Variants in PDLIM1 observed in about 807,000 individuals in gnomAD.
The protein encoded by PDLIM1 is PDZ and LIM domain 1, also known as PDZ and LIM domain protein 1.
A neutral mutation model predicts 35.2 loss-of-function variants in PDLIM1; 25 were observed. The ratio of observed to expected loss-of-function variants is 0.71; its 90% CI spans 0.52 to 0.99. PDLIM1 has a LOEUF of 0.99. Ranked by LOEUF, PDLIM1 falls within the 50% of genes least tolerant of loss-of-function variation. The pLI is 0.00. For missense variants in PDLIM1, 363 were observed against 415.3 expected (o/e 0.87, Z 1.09); for synonymous variants, 152 against 154.0 (o/e 0.99, Z 0.10).
At chr10:95,257,625 T>C (rs1228841264) in intron 4 of PDLIM1, among the ~76,000 whole-genome samples, 1 of 152,236 alleles carries the variant, frequency 6.6e-6, no homozygotes, top group Non-Finnish European at 1.5e-5. Context: ...TCTATTAAGA[T>C]GGCCACTATC....
chr10:95,271,855 A>G (rs2035467902), intron 1 of PDLIM1, 71 bp from the exon 2 acceptor site: 11 of 1,421,198 alleles, frequency 7.7e-6, no homozygotes, highest in Non-Finnish European at 1.1e-5. Context: ...CAAGTTAAGT[A>G]TTCACTGATA....
intron 1 of PDLIM1, among the ~76,000 whole-genome samples, chr10:95,274,458 A>G (rs1405538361): frequency 6.6e-6 from 1 of 150,974 alleles, no homozygotes; most frequent in African/African-American, 2.4e-5. Flanking sequence ...ATGCCCAGCT[A>G]ATTTTTTGTA....
At chr10:95,279,454 G>A (rs1262565816) in intron 1 of PDLIM1, among the ~76,000 whole-genome samples, 3 of 152,092 alleles carry the variant, frequency 2.0e-5, no homozygotes, top group Non-Finnish European at 4.4e-5. Context: ...TACAGTATGG[G>A]GAAAAAATAA....
intron 4 of PDLIM1, among the ~76,000 whole-genome samples, chr10:95,262,892 C>T (rs374148995): frequency 4.6e-4 from 70 of 152,204 alleles, no homozygotes; most frequent in African/African-American, 1.6e-3. Context: ...CCTGTAATCC[C>T]GGAAATTTGG....
At chr10:95,245,085 T>A (rs2035208709) in intron 5 of PDLIM1, among the ~76,000 whole-genome samples, 1 of 152,218 alleles carries the variant, frequency 6.6e-6, no homozygotes, top group Admixed American at 6.5e-5. Flanking sequence ...TCCAGCAGAA[T>A]CTTGATTCTC....
chr10:95,270,620 G>A (rs17453855), intron 2 of PDLIM1, among the ~76,000 whole-genome samples: 9,479 of 152,120 alleles, frequency 0.062, 410 homozygotes, highest in South Asian at 0.19. Flanking sequence ...TATCCCCAGC[G>A]CTCCTTGCTT....
chr10:95,247,487 C>A, intron 4 of PDLIM1, 121 bp from the exon 5 acceptor site: 1 of 792,160 alleles, frequency 1.3e-6, no homozygotes, highest in East Asian at 2.6e-5. Flanking sequence ...TCTCAAAGCC[C>A]TCTCCTAAAT....
chr10:95,287,883 G>C (rs892949170), intron 1 of PDLIM1, among the ~76,000 whole-genome samples: 1 of 150,858 alleles, frequency 6.6e-6, no homozygotes, highest in Non-Finnish European at 1.5e-5. Flanking sequence ...AACGATACTA[G>C]ATGAAAACAT....
At chr10:95,268,410 A>C (rs574605718) in intron 3 of PDLIM1, among the ~76,000 whole-genome samples, 2 of 152,274 alleles carry the variant, frequency 1.3e-5, no homozygotes, top group African/African-American at 4.8e-5. Context: ...CTCCAGACCT[A>C]AACTTATTTT....
chr10:95,269,009 T>G (rs1011136467), intron 2 of PDLIM1, 147 bp from the exon 3 acceptor site: 1 of 636,762 alleles, frequency 1.6e-6, no homozygotes, highest in Non-Finnish European at 2.8e-6. Flanking sequence ...TGCCACCAGG[T>G]TGATCTTTTA....
chr10:95,258,157 T>C (rs945877233), intron 4 of PDLIM1, among the ~76,000 whole-genome samples: 1 of 151,856 alleles, frequency 6.6e-6, no homozygotes, highest in African/African-American at 2.4e-5. Context: ...GAGAACAACA[T>C]GGGAAAGATT....
chr10:95,258,577 A>G (rs913883921), intron 4 of PDLIM1, among the ~76,000 whole-genome samples: 1 of 152,214 alleles, frequency 6.6e-6, no homozygotes, highest in Non-Finnish European at 1.5e-5. Flanking sequence ...ATGGTAATTG[A>G]AAAAAGACAA....
In PDLIM1 at chr10:95,276,922, A is replaced by AAAAAAC. The variant is rs1302373698; in HGVS notation, c.97-5139_97-5138insGTTTTT. On this transcript the variant is annotated intron_variant, in intron 1 of 6. Transcript: ENST00000329399. ...AAAAAAAAAAAAAAAAAAAAAAAAA[A>AAAAAAC]AACTTCTGGGCCAGGCATGGTGGCT... Among the ~76,000 whole-genome samples, 2 of 92,430 alleles carry AAAAAAC rather than the reference A, an allele frequency of 2.2e-5. 1 individual carries two copies. Among genetic ancestry groups the AAAAAAC allele is most frequent in the Non-Finnish European group, 6.1e-5 (2 of 32,772 alleles). The allele number at this position is 92,430 out of a possible 152,430, so 60.6% of individuals were successfully genotyped here. A position where few individuals can be genotyped will look rare whatever the true frequency, so the allele number is the denominator to read the frequency against.
intron 4 of PDLIM1, among the ~76,000 whole-genome samples, chr10:95,248,031 G>A (rs565749437): frequency 6.6e-6 from 1 of 152,176 alleles, no homozygotes; most frequent in African/African-American, 2.4e-5. Context: ...TGTCATGCTG[G>A]GTGACCCAGA....
At chr10:95,272,855 T>C (rs12769370) in intron 1 of PDLIM1, among the ~76,000 whole-genome samples, 28,303 of 152,020 alleles carry the variant, frequency 0.19, 2,649 homozygotes, top group Middle Eastern at 0.28. Context: ...TGACAGATCA[T>C]TGATGCTTGG....
At position 95,237,893 on chromosome 10, in the gene PDLIM1, C is replaced by A. The variant is rs2035139637; in HGVS notation, c.*32G>T. ...CTGAGAGAAAAAGCTGCAGCAGAGG[C>A]CTGCTGGAGAACAGTGGTCAGATCT... On this transcript the variant is annotated 3_prime_UTR_variant, in exon 7 of 7. Coordinates refer to ENST00000329399, the MANE Select transcript of PDLIM1 (RefSeq NM_020992.4). 1 of 1,585,208 alleles carries A rather than the reference C, an allele frequency of 6.3e-7. No homozygotes were observed. The highest frequency in any genetic ancestry group is 1.7e-4 in the Middle Eastern group (1 of 6,000).
chr10:95,256,216 G>T (rs1267115375), intron 4 of PDLIM1, among the ~76,000 whole-genome samples: 16 of 151,944 alleles, frequency 1.1e-4, no homozygotes, highest in Non-Finnish European at 1.5e-5. Context: ...TAAACAAAAA[G>T]ACATCTCATG....
chr10:95,260,856 G>C (rs1374118652), intron 4 of PDLIM1, among the ~76,000 whole-genome samples: 1 of 152,204 alleles, frequency 6.6e-6, no homozygotes, highest in Non-Finnish European at 1.5e-5. Context: ...AAAGTTACCA[G>C]GTGACTGCTG....
chr10:95,250,315 T>G (rs1168900239), intron 4 of PDLIM1, among the ~76,000 whole-genome samples: 1 of 151,750 alleles, frequency 6.6e-6, no homozygotes, highest in East Asian at 1.9e-4. Flanking sequence ...CATCACATAT[T>G]CTTCCAGCAA....
Sources: allele counts gnomAD v4.1 joint callset (sites outside exome capture counted in the v4.1 genomes callset), GRCh38; gene constraint gnomAD v4.1.1; transcripts MANE v1.5; gene names NCBI Gene and HGNC (gene_info 2026-07-23, HGNC 2026-07-21).